CCDC149: variants seen among roughly 807,000 people sequenced by gnomAD.
CCDC149 encodes coiled-coil domain containing 149, also known as coiled-coil domain-containing protein 149.
In CCDC149, 45 loss-of-function variants were observed where a neutral mutation model predicts 59.9. The ratio of observed to expected loss-of-function variants is 0.75; its 90% CI spans 0.59 to 0.96. The LOEUF is 0.96. Ranked by LOEUF, CCDC149 falls within the 40% of genes least tolerant of loss-of-function variation. The pLI, the probability that CCDC149 is intolerant of heterozygous loss-of-function variation, is 0.00. For synonymous variants in CCDC149, 245 were observed against 260.6 expected, an observed-to-expected ratio of 0.94 and a Z score of 0.58; for missense variants, 584 against 664.7, an observed-to-expected ratio of 0.88 and a Z score of 1.33.
intron 3 of CCDC149, among the ~76,000 whole-genome samples, chr4:24,873,017 G>GGTATGCACCCACTGAACA (rs1719144516): frequency 7.1e-6 from 1 of 141,406 alleles, no homozygotes; most frequent in African/African-American, 3.0e-5. Flanking sequence ...CCCACCAAGT[G>GGTATGCACCCACTGAACA]GTATGCACCC....
At chr4:24,852,335 A>G (rs1717719334) in intron 4 of CCDC149, among the ~76,000 whole-genome samples, 1 of 137,368 alleles carries the variant, frequency 7.3e-6, no homozygotes, top group Non-Finnish European at 1.6e-5. Context: ...CACACACTAT[A>G]GTCTTCTTGA....
At chr4:24,910,721 C>G (rs1282958858) in intron 1 of CCDC149, among the ~76,000 whole-genome samples, 1 of 152,134 alleles carries the variant, frequency 6.6e-6, no homozygotes, top group African/African-American at 2.4e-5. Flanking sequence ...AAGCAAGGCT[C>G]AAGCAATGAG....
chr4:24,812,918 G>C (rs1043730564), intron 12 of CCDC149, among the ~76,000 whole-genome samples: 1 of 152,182 alleles, frequency 6.6e-6, no homozygotes, highest in Non-Finnish European at 1.5e-5. Flanking sequence ...CCCCACCCTT[G>C]ACATGTGGAG....
Position 24,808,781 on chromosome 4 carries a change from C to T in CCDC149, c.1231G>A (p.Ala411Thr), listed in dbSNP as rs762644200. The T allele has an allele frequency of 3.6e-5, 56 of 1,550,946 alleles. 1 individual carries two copies. Among genetic ancestry groups the T allele is most frequent in the East Asian group, 2.9e-4 (12 of 40,906 alleles). Reference sequence around the variant, plus strand: ...TCAGGCGCTGTCAACGCCTCAGCAGCGGCACAACTTTCATCTTCTTCTTGC... The same window carrying T: ...TCAGGCGCTGTCAACGCCTCAGCAGTGGCACAACTTTCATCTTCTTCTTGC... The change falls in exon 13 of 13, where the codon GCT becomes ACT. Residue 411 changes from alanine to threonine, a missense_variant. Coordinates refer to ENST00000635206, the MANE Select transcript of CCDC149 (RefSeq NM_001330643.2).
chr4:24,917,496 T>C (rs950973338), upstream of CCDC149, among the ~76,000 whole-genome samples: 3 of 152,096 alleles, frequency 2.0e-5, no homozygotes, highest in African/African-American at 7.2e-5. Flanking sequence ...GAAAGGCCAC[T>C]CCTTGGCTGT....
intron 1 of CCDC149, among the ~76,000 whole-genome samples, chr4:24,884,655 T>C (rs1411916609): frequency 1.3e-5 from 2 of 152,220 alleles, no homozygotes; most frequent in African/African-American, 4.8e-5. Flanking sequence ...ATTCAAATCT[T>C]GGCTTTGTCA....
rs146259547 is a variant in CCDC149 at position 24,969,348 on chromosome 4, C to G, written c.-65+10721G>C. ...GCAGGGTGGCCAACCAACAGAACAC[C>G]ATCTGGGCCCTGCAACATTTATGTG... On this transcript the variant is annotated intron_variant, in intron 1 of 12. Coordinates refer to the CCDC149 transcript ENST00000389609. Among the ~76,000 whole-genome samples the G allele has an allele frequency of 2.0e-5, 3 of 152,310 alleles. No individual in the cohort carries two copies. The East Asian group carries it at 5.8e-4, about 29-fold the overall frequency.
rs574191789 is a variant in CCDC149 at position 24,831,964 on chromosome 4, T to A, written c.821-314A>T. On this transcript the variant is annotated intron_variant, in intron 8 of 12. Transcript: ENST00000635206. ...TAAAATTGAGGGAAAAGAAACTCTA[T>A]GAAATATTGATTTTTTTCCATTTCA... Among the ~76,000 whole-genome samples the A allele has an allele frequency of 8.1e-4, 124 of 152,318 alleles. 1 individual carries two copies. Among genetic ancestry groups the A allele is most frequent in the African/African-American group, 2.9e-3 (121 of 41,574 alleles).
intron 1 of CCDC149, among the ~76,000 whole-genome samples, chr4:24,918,285 A>G (rs965764952): frequency 6.6e-6 from 1 of 152,186 alleles, no homozygotes; most frequent in Non-Finnish European, 1.5e-5. Flanking sequence ...ATGGGGAAAA[A>G]AAACAAAGAA....
At chr4:24,858,171 T>C (rs1718145260) in intron 3 of CCDC149, among the ~76,000 whole-genome samples, 1 of 152,216 alleles carries the variant, frequency 6.6e-6, no homozygotes, top group African/African-American at 2.4e-5. Flanking sequence ...TGCCTGCTTA[T>C]AATTTATCAG....
At chr4:24,918,505 C>A (rs920595796) in intron 1 of CCDC149, among the ~76,000 whole-genome samples, 8 of 152,170 alleles carry the variant, frequency 5.3e-5, no homozygotes, top group African/African-American at 1.9e-4. Context: ...ACCAAGACAG[C>A]ACATCAAACC....
intron 4 of CCDC149, among the ~76,000 whole-genome samples, chr4:24,852,284 C>CCACACACA (rs1320397543): frequency 3.7e-5 from 4 of 109,274 alleles, no homozygotes; most frequent in African/African-American, 1.3e-4. Context: ...CTCCAACACA[C>CCACACACA]CATACACACA....
chr4:24,859,332 G>A (rs1164307823), intron 3 of CCDC149, among the ~76,000 whole-genome samples: 1 of 152,116 alleles, frequency 6.6e-6, no homozygotes, highest in Non-Finnish European at 1.5e-5. Context: ...TGTACTAAAC[G>A]CATTTTCAAC....
At chr4:24,865,532 GAAC>G (rs1375810716) in intron 3 of CCDC149, among the ~76,000 whole-genome samples, 1 of 152,130 alleles carries the variant, frequency 6.6e-6, no homozygotes, top group Non-Finnish European at 1.5e-5. Context: ...GTTACAAAAA[GAAC>G]AACCACCCGA....
rs948143378 is a variant in CCDC149 at position 24,912,903 on chromosome 4, C to T, written c.-24G>A. On this transcript the variant is annotated 5_prime_UTR_variant, in exon 1 of 13. Coordinates refer to ENST00000635206, the MANE Select transcript of CCDC149 (RefSeq NM_001330643.2). ...ATGCGCTGGCCGGCCTCCTGGACCC[C>T]CGCCGCCTCCTCCTCCTCGCGACGT... is the stretch of plus-strand genomic sequence containing the variant. The T allele has an allele frequency of 7.7e-7, 1 of 1,296,188 alleles. No individual in the cohort carries two copies. Among genetic ancestry groups the T allele is most frequent in the South Asian group, 1.6e-5 (1 of 60,972 alleles). The allele number at this position is 1,296,188 out of a possible 1,614,324, so 80.3% of individuals were successfully genotyped here.
At chr4:24,966,446 C>A (rs562281642) in intron 1 of CCDC149, among the ~76,000 whole-genome samples, 31 of 152,006 alleles carry the variant, frequency 2.0e-4, no homozygotes, top group African/African-American at 7.5e-4. Flanking sequence ...TATAGGGCAC[C>A]ACATACATGA....
At chr4:24,890,568 G>A (rs1272697676) in intron 1 of CCDC149, among the ~76,000 whole-genome samples, 2 of 152,208 alleles carry the variant, frequency 1.3e-5, no homozygotes, top group Non-Finnish European at 2.9e-5. Context: ...TGTCCCATTT[G>A]AAGACAGAAA....
intron 2 of CCDC149, 98 bp downstream of exon 2, chr4:24,876,438 T>C: frequency 7.3e-7 from 1 of 1,361,334 alleles, no homozygotes; most frequent in Non-Finnish European, 1.0e-6. Flanking sequence ...TTGAACTGTT[T>C]GCATTTAACC....
At position 24,947,593 on chromosome 4, in the gene CCDC149, C is replaced by T. The variant is rs188086925; in HGVS notation, c.-65+32476G>A. ...TCAAACTGGACTCCCATGAAGTCCT[C>T]CCCACGTCTATCCTCCTCTTCCATG... On this transcript the variant is annotated intron_variant, in intron 1 of 12. Coordinates refer to the CCDC149 transcript ENST00000389609. Among the ~76,000 whole-genome samples the T allele has an allele frequency of 2.6e-3, 401 of 152,276 alleles. 5 individuals carry two copies. Among genetic ancestry groups the T allele is most frequent in the African/African-American group, 9.1e-3 (380 of 41,562 alleles).
Sources: gnomAD v4.1 joint callset for allele counts (sites outside exome capture counted in the v4.1 genomes callset) on GRCh38, gnomAD v4.1.1 for gene constraint, MANE v1.5 for transcripts, NCBI Gene and HGNC (gene_info 2026-07-23, HGNC 2026-07-21) for gene names.